Variants in RUVBL1 observed in about 807,000 individuals in gnomAD.
RUVBL1 encodes RuvB like AAA ATPase 1, also known as ruvB-like 1.
A neutral mutation model predicts 52.4 loss-of-function variants in RUVBL1; 4 were observed. That is an observed-to-expected ratio of 0.08 (90% CI 0.04 to 0.17). The LOEUF is 0.17. Ranked by LOEUF, RUVBL1 falls within the 10% of genes least tolerant of loss-of-function variation. The pLI, the probability that RUVBL1 is intolerant of heterozygous loss-of-function variation, is 1.00. For missense variants in RUVBL1, 298 were observed against 572.8 expected (o/e 0.52, Z 4.90); for synonymous variants, 217 against 214.4 (o/e 1.01, Z -0.10).
chr3:128,144,233 C>T (rs1247140620), intron 1 of RUVBL1, among the ~76,000 whole-genome samples: 1 of 152,144 alleles, frequency 6.6e-6, no homozygotes, highest in Non-Finnish European at 1.5e-5. Flanking sequence ...CATTTCACTC[C>T]TGAAAGACTC....
chr3:128,079,302 A>G (rs1396297772), downstream of RUVBL1, among the ~76,000 whole-genome samples: 1 of 152,226 alleles, frequency 6.6e-6, no homozygotes, highest in East Asian at 1.9e-4. Flanking sequence ...GCCAACACAG[A>G]AGGAGGCAGT....
At chr3:128,133,032 G>A (rs1227694072) in intron 1 of RUVBL1, among the ~76,000 whole-genome samples, 1 of 152,164 alleles carries the variant, frequency 6.6e-6, no homozygotes, top group Non-Finnish European at 1.5e-5. Flanking sequence ...GAGAGACCCA[G>A]GCCCAGCAGT....
intron 1 of RUVBL1, among the ~76,000 whole-genome samples, chr3:128,144,309 AT>A (rs2107736383): frequency 6.6e-6 from 1 of 152,372 alleles, no homozygotes; most frequent in African/African-American, 2.4e-5. Context: ...TTTATAATTA[AT>A]CCTGGATTAA....
chr3:128,124,164 A>T (rs965205494), upstream of RUVBL1, among the ~76,000 whole-genome samples: 1 of 152,116 alleles, frequency 6.6e-6, no homozygotes, highest in Non-Finnish European at 1.5e-5. Context: ...AAACAGAAGA[A>T]CTGAGGTTCA....
chr3:128,111,135 G>C (rs1042500177), intron 3 of RUVBL1, among the ~76,000 whole-genome samples: 1 of 150,508 alleles, frequency 6.6e-6, no homozygotes, highest in Non-Finnish European at 1.5e-5. Context: ...TGAGGCACGA[G>C]AATCGCTTGA....
intron 9 of RUVBL1, chr3:128,075,073 AG>A (rs1942274044): frequency 6.6e-6 from 1 of 152,106 alleles, no homozygotes; most frequent in Non-Finnish European, 1.5e-5. Context: ...ATTCCCCCAA[AG>A]GGGGTGCACT....
intron 1 of RUVBL1, among the ~76,000 whole-genome samples, chr3:128,136,644 T>C (rs1432253056): frequency 2.4e-5 from 3 of 127,374 alleles, no homozygotes; most frequent in Non-Finnish European, 5.0e-5. Context: ...AAAAAAACAA[T>C]GATCTATTGC....
chr3:128,096,836 AAAG>A lies in RUVBL1; in HGVS notation c.1016+461_1016+463del, dbSNP rs538848996. The stretch of plus-strand genomic sequence containing the variant: ...AGTGAGACTCTGTCCCCAAAAAAAA[AAAG>A]AAAGAAAATGCTGGTTTTGTTATCA... On this transcript the variant is annotated intron_variant, in intron 8 of 10. Coordinates refer to ENST00000322623, the MANE Select transcript of RUVBL1 (RefSeq NM_003707.3). 2.0e-3 allele frequency among the ~76,000 whole-genome samples: 304 copies of A among 152,236 alleles called. 2 individuals carry two copies. The highest frequency in any genetic ancestry group is 6.6e-3 in the African/African-American group (274 of 41,544).
chr3:128,144,877 C>G, intron 1 of RUVBL1, among the ~76,000 whole-genome samples: 1 of 152,204 alleles, frequency 6.6e-6, no homozygotes, highest in Non-Finnish European at 1.5e-5. Context: ...ATGACCCACA[C>G]CTGGCTAGGC....
In RUVBL1 at chr3:128,123,795, T is replaced by TA; in HGVS notation, c.-72dup. ...AGGACAGTGCGCCCGGCGCCTGAGT[T>TA]ACCATGCGGCCGTTACTAGGGCAAT... On this transcript the variant is annotated 5_prime_UTR_variant, in exon 1 of 11. The change abolishes the stop of an existing upstream ORF in the 5' untranslated region. Coordinates refer to ENST00000322623, the MANE Select transcript of RUVBL1 (RefSeq NM_003707.3). 1 of 1,501,528 alleles carries TA rather than the reference T, an allele frequency of 6.7e-7. No homozygotes were observed. Among genetic ancestry groups the TA allele is most frequent in the African/African-American group, 1.4e-5 (1 of 72,272 alleles). 93.0% of individuals were successfully genotyped at this position (1,501,528 alleles called of 1,614,324 possible).
intron 3 of RUVBL1, among the ~76,000 whole-genome samples, chr3:128,107,499 C>T (rs1020948234): frequency 4.6e-5 from 7 of 152,302 alleles, no homozygotes; most frequent in South Asian, 2.1e-4. Context: ...GTGTCAGGTA[C>T]GCTCTGTAAC....
At chr3:128,149,103 CT>C (rs1944146276) in intron 1 of RUVBL1, among the ~76,000 whole-genome samples, 1 of 150,560 alleles carries the variant, frequency 6.6e-6, no homozygotes, top group Non-Finnish European at 1.5e-5. Flanking sequence ...TTTCTTTTTT[CT>C]TTCTTCTTTT....
In RUVBL1 at chr3:128,104,223, A is replaced by C. The variant is rs114401888; in HGVS notation, c.513+550T>G. Among the ~76,000 whole-genome samples the C allele has an allele frequency of 6.4e-3, 971 of 152,330 alleles. 5 individuals carry two copies. The highest frequency in any genetic ancestry group is 0.011 in the Non-Finnish European group (756 of 68,034). On this transcript the variant is annotated intron_variant, in intron 4 of 10. Coordinates refer to ENST00000322623, the MANE Select transcript of RUVBL1 (RefSeq NM_003707.3). ...TGAGGACTGTCTTTGAGCGCTATCC[A>C]GTGTCACCATTCTGGCCTCTCCACA... is the stretch of plus-strand genomic sequence containing the variant.
At chr3:128,077,513 A>G (rs958931425), downstream of RUVBL1, among the ~76,000 whole-genome samples, 3 of 152,184 alleles carry the variant, frequency 2.0e-5, no homozygotes, top group Non-Finnish European at 4.4e-5. Context: ...ACCAAATGAG[A>G]GCAGGTCTGA....
At chr3:128,105,503 CATTTCCAAGGGGGTGAA>C (rs1576461614) in intron 3 of RUVBL1, among the ~76,000 whole-genome samples, 2 of 152,164 alleles carry the variant, frequency 1.3e-5, no homozygotes, top group East Asian at 3.8e-4. Context: ...TTGTCTGCTT[CATTTCCAAGGGGGTGAA>C]ATTTACCTTT....
At chr3:128,145,519 G>A (rs896367660) in intron 1 of RUVBL1, among the ~76,000 whole-genome samples, 11 of 152,220 alleles carry the variant, frequency 7.2e-5, no homozygotes, top group South Asian at 2.1e-4. Context: ...TCCAGAGGGC[G>A]TGCCAGCCCA....
chr3:128,122,130 T>C (rs144681758), intron 1 of RUVBL1, among the ~76,000 whole-genome samples: 4 of 152,330 alleles, frequency 2.6e-5, no homozygotes, highest in African/African-American at 9.6e-5. Context: ...TGAGTTAAAA[T>C]ACTGGCTCTC....
intron 9 of RUVBL1, among the ~76,000 whole-genome samples, chr3:128,072,607 C>T (rs1942197936): frequency 1.3e-5 from 2 of 152,188 alleles, no homozygotes; most frequent in South Asian, 2.1e-4. Context: ...CTGCTGGCCT[C>T]AGGGCTCAGG....
intron 1 of RUVBL1, among the ~76,000 whole-genome samples, chr3:128,146,197 T>G (rs886861935): frequency 1.3e-5 from 2 of 152,070 alleles, no homozygotes; most frequent in African/African-American, 4.8e-5. Context: ...CTTGGGGGCT[T>G]TGAGTAACAG....
Sources: allele counts gnomAD v4.1 joint callset (sites outside exome capture counted in the v4.1 genomes callset), GRCh38; gene constraint gnomAD v4.1.1; transcripts MANE v1.5; gene names NCBI Gene and HGNC (gene_info 2026-07-23, HGNC 2026-07-21).